Variants in COL5A2 observed in about 807,000 individuals in gnomAD.
COL5A2 encodes collagen type V alpha 2 chain, also known as collagen alpha-2(V) chain.
In COL5A2, 23 loss-of-function variants were observed where a neutral mutation model predicts 208.2. The ratio of observed to expected loss-of-function variants is 0.11; its 90% CI spans 0.08 to 0.16. The LOEUF (loss-of-function observed/expected upper bound fraction) is 0.16. COL5A2 is among the 10% of genes least tolerant of loss of function. COL5A2 has a pLI of 1.00. For synonymous variants in COL5A2, 625 were observed against 628.5 expected, an observed-to-expected ratio of 0.99 and a Z score of 0.08; for missense variants, 1,590 against 1,956.4, an observed-to-expected ratio of 0.81 and a Z score of 3.53.
the COL5A2 span, among the ~76,000 whole-genome samples, chr2:189,370,903 A>G: frequency 2.6e-5 from 4 of 152,274 alleles, no homozygotes; most frequent in African/African-American, 7.2e-5. Context: ...GTGATACATT[A>G]TGGAAATTTG....
At chr2:189,396,670 T>TC in the COL5A2 span, among the ~76,000 whole-genome samples, 1 of 15,636 alleles carries the variant, frequency 6.4e-5, no homozygotes, top group Non-Finnish European at 1.6e-4. Flanking sequence ...CAAGACTCCA[T>TC]TAAAAAAAAA....
At chr2:189,327,093 T>TAATA in the COL5A2 span, among the ~76,000 whole-genome samples, 1 of 148,248 alleles carries the variant, frequency 6.7e-6, no homozygotes, top group African/African-American at 2.5e-5. Context: ...ATAATAATAA[T>TAATA]AATAAATAAA....
chr2:189,413,663 C>T, the COL5A2 span, among the ~76,000 whole-genome samples: 978 of 151,806 alleles, frequency 6.4e-3, 3 homozygotes, highest in Non-Finnish European at 0.011. Context: ...AATTAGCGGC[C>T]GGGACAGGCA....
rs1688317531 is a variant in COL5A2 at position 189,159,505 on chromosome 2, T to C, written c.97+20003A>G. Among the ~76,000 whole-genome samples the C allele has an allele frequency of 2.6e-5, 4 of 152,332 alleles. No individual in the cohort carries two copies. In the South Asian group the frequency reaches 8.3e-4, roughly 32 times the overall value. On this transcript the variant is annotated intron_variant, in intron 1 of 53. Coordinates refer to ENST00000374866, the MANE Select transcript of COL5A2 (RefSeq NM_000393.5). ...CAATTAGGATTGTCTCACTGAATGCTGAACAAGCATTATATTTTTCTCAAA... is the reference window on the plus strand; with the variant it reads ...CAATTAGGATTGTCTCACTGAATGCCGAACAAGCATTATATTTTTCTCAAA...
chr2:189,082,162 T>C (rs1686547860), intron 12 of COL5A2, among the ~76,000 whole-genome samples: 1 of 152,224 alleles, frequency 6.6e-6, no homozygotes, highest in South Asian at 2.1e-4. Context: ...TGGCCTAGCA[T>C]GATCTTATAC....
chr2:189,289,679 T>C, the COL5A2 span, among the ~76,000 whole-genome samples: 33 of 152,310 alleles, frequency 2.2e-4, no homozygotes, highest in African/African-American at 7.9e-4. Context: ...ACAAATTCAG[T>C]AAAGTTGCAA....
chr2:189,426,503 A>G, the COL5A2 span, among the ~76,000 whole-genome samples: 3 of 152,224 alleles, frequency 2.0e-5, no homozygotes, highest in African/African-American at 7.2e-5. Flanking sequence ...ACCACTGTTC[A>G]TCTTACATAT....
the COL5A2 span, among the ~76,000 whole-genome samples, chr2:189,312,546 G>C: frequency 6.6e-6 from 1 of 152,172 alleles, no homozygotes; most frequent in Non-Finnish European, 1.5e-5. Context: ...GCCGTCCCAG[G>C]AAGAGAGCAA....
the COL5A2 span, among the ~76,000 whole-genome samples, chr2:189,358,695 T>G: frequency 1.3e-5 from 2 of 152,324 alleles, no homozygotes; most frequent in South Asian, 4.1e-4. Context: ...TTAAGTCTTC[T>G]AAGCCATAAG....
At chr2:189,225,638 A>G (rs1689406022), upstream of COL5A2, among the ~76,000 whole-genome samples, 1 of 152,164 alleles carries the variant, frequency 6.6e-6, no homozygotes, top group South Asian at 2.1e-4. Context: ...ATAGTTTTTC[A>G]GCAAAAAGAG....
At chr2:189,180,419 C>T (rs182448849), upstream of COL5A2, among the ~76,000 whole-genome samples, 13 of 152,296 alleles carry the variant, frequency 8.5e-5, no homozygotes, top group Non-Finnish European at 1.8e-4. Context: ...TAAGGGGCCA[C>T]ATCTTCAGGT....
chr2:189,189,098 G>A (rs1190950301), intron 1 of COL5A2, among the ~76,000 whole-genome samples: 2 of 152,140 alleles, frequency 1.3e-5, no homozygotes, highest in Non-Finnish European at 2.9e-5. Flanking sequence ...GCCATTTTAA[G>A]TGCCATTTCT....
chr2:189,089,249 A>G (rs1686731128), intron 7 of COL5A2, among the ~76,000 whole-genome samples: 1 of 152,222 alleles, frequency 6.6e-6, no homozygotes, highest in African/African-American at 2.4e-5. Flanking sequence ...TAAACTTTAA[A>G]TTACATTTAT....
chr2:189,244,683 C>T, the COL5A2 span, among the ~76,000 whole-genome samples: 1 of 152,172 alleles, frequency 6.6e-6, no homozygotes, highest in Admixed American at 6.5e-5. Context: ...TCCACATTTC[C>T]CTGTCTTCTT....
intron 11 of COL5A2, 84 bp downstream of exon 11, chr2:189,085,076 A>C: frequency 9.0e-7 from 1 of 1,115,056 alleles, no homozygotes. Context: ...AATGTAATGG[A>C]AATTAATACA....
chr2:189,268,479 C>T, the COL5A2 span, among the ~76,000 whole-genome samples: 3 of 152,090 alleles, frequency 2.0e-5, no homozygotes, highest in Non-Finnish European at 4.4e-5. Flanking sequence ...TTCAGACAAA[C>T]ACCCTACATC....
At chr2:189,247,018 T>C in the COL5A2 span, among the ~76,000 whole-genome samples, 3 of 152,224 alleles carry the variant, frequency 2.0e-5, no homozygotes, top group Non-Finnish European at 4.4e-5. Context: ...GAGTAATAAC[T>C]GTCCCTCTAC....
the COL5A2 span, among the ~76,000 whole-genome samples, chr2:189,395,444 A>G: frequency 2.0e-5 from 3 of 152,334 alleles, no homozygotes; most frequent in Admixed American, 6.5e-5. Context: ...ACAAGCTTCA[A>G]TAAGTTCCAT....
the COL5A2 span, among the ~76,000 whole-genome samples, chr2:189,237,966 T>C: frequency 6.6e-6 from 1 of 151,946 alleles, no homozygotes; most frequent in African/African-American, 2.4e-5. Context: ...AGAGCTAATC[T>C]TAATCAGTAT....
Sources: allele counts gnomAD v4.1 joint callset (sites outside exome capture counted in the v4.1 genomes callset), GRCh38; gene constraint gnomAD v4.1.1; transcripts MANE v1.5; gene names NCBI Gene and HGNC (gene_info 2026-07-23, HGNC 2026-07-21).